Variants in TAOK3 observed in about 807,000 individuals in gnomAD.
The protein encoded by TAOK3 is TAO kinase 3, also known as serine/threonine-protein kinase TAO3.
A neutral mutation model predicts 120.4 loss-of-function variants in TAOK3; 40 were observed. The ratio of observed to expected loss-of-function variants is 0.33; its 90% CI spans 0.26 to 0.43. The LOEUF (loss-of-function observed/expected upper bound fraction) is 0.43. TAOK3 is among the 20% of genes least tolerant of loss of function. The probability of loss-of-function intolerance (pLI) is 1.00; values close to 1 mark genes in which losing one functional copy is unlikely to be tolerated. For synonymous variants in TAOK3, 355 were observed against 387.5 expected, an observed-to-expected ratio of 0.92 and a Z score of 0.99; for missense variants, 821 against 1,112.1, an observed-to-expected ratio of 0.74 and a Z score of 3.72.
chr12:118,263,057 C>A (rs191008900), intron 2 of TAOK3, among the ~76,000 whole-genome samples: 1 of 152,136 alleles, frequency 6.6e-6, no homozygotes, highest in East Asian at 1.9e-4. Flanking sequence ...AAAAGGAGGA[C>A]AAAGTTGGAG....
intron 12 of TAOK3, chr12:118,201,093 G>A: frequency 2.3e-6 from 1 of 438,280 alleles, no homozygotes; most frequent in Non-Finnish European, 4.0e-6. Flanking sequence ...CCCCTGCAAT[G>A]GGGTTACACC....
In TAOK3 at chr12:118,260,363, C is replaced by A. The variant is rs1286062164; in HGVS notation, c.-88-4708G>T. On this transcript the variant is annotated intron_variant, in intron 2 of 20. Coordinates refer to ENST00000392533, the MANE Select transcript of TAOK3 (RefSeq NM_016281.4). ...CAAGTAACTTAACTGTGTTCCAGAA[C>A]AAAGTCCAAGAATACTTGAAGGAAT... 3.3e-5 allele frequency among the ~76,000 whole-genome samples: 5 copies of A among 152,062 alleles called. No individual in the cohort carries two copies. The East Asian group carries it at 9.7e-4, about 29-fold the overall frequency.
intron 1 of TAOK3, among the ~76,000 whole-genome samples, chr12:118,353,356 A>G (rs538866009): frequency 5.1e-4 from 78 of 152,286 alleles, no homozygotes; most frequent in Non-Finnish European, 9.0e-4. Flanking sequence ...TTTTGGGTGA[A>G]GTAAAAGGCA....
Position 118,234,212 on chromosome 12 carries a change from A to ATTTTTTTTTTTTT in TAOK3, c.552-460_552-448dup, listed in dbSNP as rs763473530. On this transcript the variant is annotated intron_variant, in intron 8 of 20. Coordinates refer to ENST00000392533, the MANE Select transcript of TAOK3 (RefSeq NM_016281.4). The stretch of plus-strand genomic sequence containing the variant: ...TTAAAGTAATTAAATAAAGCAGGAA[A>ATTTTTTTTTTTTT]TTTTTTTTTTTTTTTTTTTTTTTTT... Among the ~76,000 whole-genome samples the ATTTTTTTTTTTTT allele has an allele frequency of 5.4e-3, 314 of 58,324 alleles. 55 individuals carry two copies. The highest frequency in any genetic ancestry group is 6.7e-3 in the Non-Finnish European group (217 of 32,392). 38.3% of individuals were successfully genotyped at this position (58,324 alleles called of 152,430 possible).
intron 1 of TAOK3, among the ~76,000 whole-genome samples, chr12:118,341,729 C>T (rs1281754310): frequency 6.6e-6 from 1 of 152,074 alleles, no homozygotes; most frequent in African/African-American, 2.4e-5. Flanking sequence ...TAAAAAAACC[C>T]TTCTGTGTTG....
chr12:118,336,805 C>T (rs2044385295), intron 1 of TAOK3, among the ~76,000 whole-genome samples: 2 of 152,208 alleles, frequency 1.3e-5, no homozygotes, highest in South Asian at 4.1e-4. Context: ...GGGGCAGTGG[C>T]TCACACCTAT....
At chr12:118,296,927 T>C (rs1009334787) in intron 1 of TAOK3, 2 of 152,104 alleles carry the variant, frequency 1.3e-5, no homozygotes, top group Admixed American at 1.3e-4. Flanking sequence ...TTTTAGAAAA[T>C]AGACAAACAA....
chr12:118,285,454 G>A (rs2042235001), intron 1 of TAOK3, among the ~76,000 whole-genome samples: 1 of 151,710 alleles, frequency 6.6e-6, no homozygotes, highest in Non-Finnish European at 1.5e-5. Flanking sequence ...CCGGGTTCAA[G>A]TGATTCTCCT....
At chr12:118,328,582 A>C (rs918627004) in intron 1 of TAOK3, among the ~76,000 whole-genome samples, 1 of 152,132 alleles carries the variant, frequency 6.6e-6, no homozygotes, top group Admixed American at 6.6e-5. Flanking sequence ...AGTATAGCAA[A>C]CTGTATTTTA....
rs575880127 is a variant in TAOK3, at chr12:118,341,551, C to T, written c.-194+31097G>A. On this transcript the variant is annotated intron_variant, in intron 1 of 20. Coordinates refer to ENST00000392533, the MANE Select transcript of TAOK3 (RefSeq NM_016281.4). ...TAAAAACCAGATTAAGTTGCCCTAG[C>T]AGGGCAACGTTGACTATGTGTACTA... Among the ~76,000 whole-genome samples, 256 of 152,214 alleles carry T rather than the reference C, an allele frequency of 1.7e-3. 1 individual carries two copies. Among genetic ancestry groups the T allele is most frequent in the African/African-American group, 6.1e-3 (252 of 41,538 alleles).
intron 1 of TAOK3, among the ~76,000 whole-genome samples, chr12:118,369,494 A>G (rs1210317407): frequency 6.6e-6 from 1 of 152,228 alleles, no homozygotes; most frequent in African/African-American, 2.4e-5. Flanking sequence ...ACAAGGAAAT[A>G]AATTTAATGT....
intron 14 of TAOK3, among the ~76,000 whole-genome samples, chr12:118,187,677 C>T (rs777924126): frequency 6.6e-6 from 1 of 152,082 alleles, no homozygotes; most frequent in Non-Finnish European, 1.5e-5. Context: ...AATCATGACT[C>T]CCAAAGCACT....
chr12:118,223,644 C>CA (rs2039360706), intron 9 of TAOK3, among the ~76,000 whole-genome samples: 1 of 111,280 alleles, frequency 9.0e-6, no homozygotes, highest in Non-Finnish European at 1.8e-5. Flanking sequence ...CCGCACCCGG[C>CA]ATTTTTTTTT....
chr12:118,210,740 CTTTTTTT>C (rs972130210), intron 11 of TAOK3, among the ~76,000 whole-genome samples: 2 of 139,086 alleles, frequency 1.4e-5, no homozygotes, highest in East Asian at 2.1e-4. Flanking sequence ...TTTCTTTTTT[CTTTTTTT>C]TTTTTTTTTG....
At chr12:118,203,704 C>CA (rs35135077) in intron 11 of TAOK3, among the ~76,000 whole-genome samples, 62,973 of 126,838 alleles carry the variant, frequency 0.5, 15,454 homozygotes, top group Non-Finnish European at 0.55. Flanking sequence ...AACTCCATCT[C>CA]AAAAAAAAAA....
chr12:118,370,749 A>C (rs1266105711), intron 1 of TAOK3, among the ~76,000 whole-genome samples: 1 of 152,170 alleles, frequency 6.6e-6, no homozygotes, highest in Non-Finnish European at 1.5e-5. Context: ...TCATTAGTTT[A>C]ATTTTCACAT....
chr12:118,194,764 C>G (rs1247472572), intron 13 of TAOK3, among the ~76,000 whole-genome samples: 1 of 151,860 alleles, frequency 6.6e-6, no homozygotes, highest in Non-Finnish European at 1.5e-5. Flanking sequence ...CCCCCTCCAC[C>G]AGACGGAGTC....
At chr12:118,242,129 GT>G (rs1337302593) in intron 5 of TAOK3, among the ~76,000 whole-genome samples, 1 of 151,812 alleles carries the variant, frequency 6.6e-6, no homozygotes, top group African/African-American at 2.4e-5. Flanking sequence ...AAGTAACAGT[GT>G]GAAGGATTTT....
chr12:118,323,515 C>A (rs753425747), intron 1 of TAOK3, among the ~76,000 whole-genome samples: 1 of 151,990 alleles, frequency 6.6e-6, no homozygotes, highest in Non-Finnish European at 1.5e-5. Context: ...ACACAAAATG[C>A]AGAAACTCAA....
Sources: gnomAD v4.1 joint callset for allele counts (sites outside exome capture counted in the v4.1 genomes callset) on GRCh38, gnomAD v4.1.1 for gene constraint, MANE v1.5 for transcripts, NCBI Gene and HGNC (gene_info 2026-07-23, HGNC 2026-07-21) for gene names.